Variants in MAP2 observed in about 807,000 individuals in gnomAD.
MAP2 encodes the protein microtubule associated protein 2.
A neutral mutation model predicts 137.6 loss-of-function variants in MAP2; 14 were observed. The observed-to-expected ratio is 0.10, with a 90% CI of 0.07 to 0.16. MAP2 has a LOEUF of 0.16. Ranked by LOEUF, MAP2 falls within the 10% of genes least tolerant of loss-of-function variation. The probability of loss-of-function intolerance (pLI) is 1.00; values close to 1 mark genes in which losing one functional copy is unlikely to be tolerated. For missense variants in MAP2, 2,088 were observed against 2,191.5 expected (o/e 0.95, Z 0.94); for synonymous variants, 786 against 782.3 (o/e 1.00, Z -0.08).
chr2:209,664,138 T>A (rs530943519), intron 5 of MAP2, among the ~76,000 whole-genome samples: 1 of 152,350 alleles, frequency 6.6e-6, no homozygotes, highest in East Asian at 1.9e-4. Context: ...AGTCAGTAGG[T>A]TGGAAATGCT....
At chr2:209,622,202 G>A (rs2091364869) in intron 3 of MAP2, among the ~76,000 whole-genome samples, 1 of 152,176 alleles carries the variant, frequency 6.6e-6, no homozygotes, top group African/African-American at 2.4e-5. Flanking sequence ...ACTACAATTT[G>A]TTCAAGAAGC....
chr2:209,582,849 GTCCTTAACATATATTATC>G (rs2076801317), intron 3 of MAP2, among the ~76,000 whole-genome samples: 1 of 152,002 alleles, frequency 6.6e-6, no homozygotes, highest in South Asian at 2.1e-4. Context: ...AGTATCCTAA[GTCCTTAACATATATTATC>G]TCCTTTAGCT....
At chr2:209,428,233 A>G (rs1469872666) in intron 1 of MAP2, among the ~76,000 whole-genome samples, 1 of 152,194 alleles carries the variant, frequency 6.6e-6, no homozygotes, top group Non-Finnish European at 1.5e-5. Flanking sequence ...TTTTACTTAA[A>G]CATTTCAGTA....
chr2:209,553,173 G>C (rs893800800), intron 2 of MAP2, among the ~76,000 whole-genome samples: 1 of 151,746 alleles, frequency 6.6e-6, no homozygotes, highest in African/African-American at 2.4e-5. Context: ...CACCACGCCC[G>C]GCTAATTTTT....
At chr2:209,689,765 T>C (rs1303581731) in intron 7 of MAP2, among the ~76,000 whole-genome samples, 1 of 152,216 alleles carries the variant, frequency 6.6e-6, no homozygotes, top group East Asian at 1.9e-4. Flanking sequence ...AAGAGAATTA[T>C]ACATGAACTA....
chr2:209,551,223 A>G (rs1253519301), intron 2 of MAP2, among the ~76,000 whole-genome samples: 1 of 152,150 alleles, frequency 6.6e-6, no homozygotes. Context: ...TTATTGTTAG[A>G]CAGAAATAGA....
chr2:209,622,485 T>A (rs1028347278), intron 3 of MAP2, among the ~76,000 whole-genome samples: 1 of 152,164 alleles, frequency 6.6e-6, no homozygotes, highest in Non-Finnish European at 1.5e-5. Flanking sequence ...TAATAGAGGA[T>A]GATGGTGAGG....
chr2:209,476,624 G>A (rs2149778449), intron 1 of MAP2, among the ~76,000 whole-genome samples: 1 of 152,206 alleles, frequency 6.6e-6, no homozygotes, highest in African/African-American at 2.4e-5. Flanking sequence ...GAGGTTTTAT[G>A]TCTTGAAAAA....
chr2:209,642,074 A>G (rs901653143), intron 4 of MAP2, among the ~76,000 whole-genome samples: 2 of 152,170 alleles, frequency 1.3e-5, no homozygotes, highest in Admixed American at 1.3e-4. Flanking sequence ...TGGTTAAATA[A>G]TTGTATCTAT....
intron 13 of MAP2, among the ~76,000 whole-genome samples, chr2:209,716,689 G>A (rs2067783125): frequency 1.3e-5 from 2 of 151,944 alleles, no homozygotes; most frequent in Non-Finnish European, 2.9e-5. Context: ...CTGAGTTAGT[G>A]GTCCAGCTCT....
rs1406169449 is a variant in MAP2, at chr2:209,731,074, C to T, written c.*677C>T. On this transcript the variant is annotated 3_prime_UTR_variant, in exon 16 of 16. Transcript: ENST00000682079. ...AATGATGCACTTTCATTAGGATGGA[C>T]TCGTGTCTGATTAGAATGTCAGTTG... The T allele has an allele frequency of 6.6e-6, 1 of 152,596 alleles. No individual in the cohort carries two copies. The highest frequency in any genetic ancestry group is 1.5e-5 in the Non-Finnish European group (1 of 68,110). The allele number at this position is 152,596 out of a possible 1,614,324, so 9.5% of individuals were successfully genotyped here. A position where few individuals can be genotyped will look rare whatever the true frequency, so the allele number is the denominator to read the frequency against.
In MAP2 at chr2:209,477,334, A is replaced by G. The variant is rs111791245; in HGVS notation, c.-221-30258A>G. 6.1e-3 allele frequency among the ~76,000 whole-genome samples: 933 copies of G among 152,306 alleles called. 7 individuals are homozygous for G. The highest frequency in any genetic ancestry group is 0.021 in the African/African-American group (878 of 41,554). ...ATTTCAAAAGAAAATGTTATATTGA[A>G]AAAAAAGCCACAAAAATGAAATATG... On this transcript the variant is annotated intron_variant, in intron 1 of 15. Transcript: ENST00000682079.
At chr2:209,699,274 T>A (rs1201626857) in intron 10 of MAP2, among the ~76,000 whole-genome samples, 1 of 152,216 alleles carries the variant, frequency 6.6e-6, no homozygotes, top group Non-Finnish European at 1.5e-5. Context: ...ACAGTTATTA[T>A]GTTTGTGTCA....
intron 2 of MAP2, among the ~76,000 whole-genome samples, chr2:209,570,535 G>A (rs2074228445): frequency 1.3e-5 from 2 of 151,872 alleles, no homozygotes; most frequent in South Asian, 4.1e-4. Flanking sequence ...CATGTCATAT[G>A]CTTTTCAAAT....
At chr2:209,557,951 A>G (rs747961561) in intron 2 of MAP2, among the ~76,000 whole-genome samples, 2 of 152,212 alleles carry the variant, frequency 1.3e-5, no homozygotes, top group African/African-American at 4.8e-5. Flanking sequence ...ATCATGAGCT[A>G]TTTGGAACAC....
intron 1 of MAP2, among the ~76,000 whole-genome samples, chr2:209,474,292 A>G (rs967777175): frequency 6.6e-6 from 1 of 152,186 alleles, no homozygotes; most frequent in Non-Finnish European, 1.5e-5. Flanking sequence ...GTAAGTGCCT[A>G]AAGACAATGA....
At chr2:209,569,670 C>T (rs369840654) in intron 2 of MAP2, among the ~76,000 whole-genome samples, 1 of 151,660 alleles carries the variant, frequency 6.6e-6, no homozygotes, top group South Asian at 2.1e-4. Context: ...GAAAAAGTGT[C>T]CACACCAAAA....
At chr2:209,477,013 A>G (rs2149783044) in intron 1 of MAP2, among the ~76,000 whole-genome samples, 1 of 152,316 alleles carries the variant, frequency 6.6e-6, no homozygotes, top group Admixed American at 6.5e-5. Flanking sequence ...GTTGGCACCC[A>G]TGACGAAGAC....
chr2:209,474,290 C>T (rs954233620), intron 1 of MAP2, among the ~76,000 whole-genome samples: 1 of 152,056 alleles, frequency 6.6e-6, no homozygotes, highest in Non-Finnish European at 1.5e-5. Context: ...GTGTAAGTGC[C>T]TAAAGACAAT....
Sources: allele counts gnomAD v4.1 joint callset (sites outside exome capture counted in the v4.1 genomes callset), GRCh38; gene constraint gnomAD v4.1.1; transcripts MANE v1.5; gene names NCBI Gene and HGNC (gene_info 2026-07-23, HGNC 2026-07-21).